Variants in ITGAM observed in about 807,000 individuals in gnomAD.
The protein encoded by ITGAM is integrin alpha-M.
ITGAM carries 79 observed loss-of-function variants against 137.5 expected under a neutral mutation model. The observed-to-expected ratio is 0.57, with a 90% CI of 0.48 to 0.69. ITGAM has a LOEUF of 0.69. Ranked by LOEUF, ITGAM falls within the 30% of genes least tolerant of loss-of-function variation. The probability of loss-of-function intolerance (pLI) is 0.00; values close to 1 mark genes in which losing one functional copy is unlikely to be tolerated. For synonymous variants in ITGAM, 583 were observed against 592.3 expected (o/e 0.98, Z 0.23); for missense variants, 1,343 against 1,483.5 (o/e 0.91, Z 1.56).
At chr16:31,329,701 C>T (rs1413368709) in intron 24 of ITGAM, 97 bp from the exon 25 acceptor site, 1 of 972,540 alleles carries the variant, frequency 1.0e-6, no homozygotes, top group Non-Finnish European at 1.6e-6. Context: ...GGGCAGGACG[C>T]CCGGGCCTAT....
At chr16:31,285,300 T>C (rs1207328356) in intron 12 of ITGAM, among the ~76,000 whole-genome samples, 1 of 152,088 alleles carries the variant, frequency 6.6e-6, no homozygotes, top group African/African-American at 2.4e-5. Context: ...ATTTCTGCCT[T>C]TTAGTTTTTA....
At position 31,265,894 on chromosome 16, in the gene ITGAM, C is replaced by T. The variant is rs548476788; in HGVS notation, c.309+13C>T. 1.7e-4 allele frequency: 273 copies of T among 1,612,708 alleles called. 4 individuals carry two copies. The South Asian group carries it at 2.6e-3, about 15-fold the overall frequency. ...CCCTCAGCTGCTGGTGAGTGGGGCT[C>T]GATCAGAGGAGCATCCTAATGGGGG... is the stretch of plus-strand genomic sequence containing the variant. On this transcript the variant is annotated intron_variant, in intron 4 of 29. Coordinates refer to ENST00000544665, the MANE Select transcript of ITGAM (RefSeq NM_000632.4).
intron 14 of ITGAM, among the ~76,000 whole-genome samples, chr16:31,313,619 A>G (rs1041371583): frequency 6.6e-6 from 1 of 152,196 alleles, no homozygotes; most frequent in African/African-American, 2.4e-5. Flanking sequence ...TTCTTTATAC[A>G]GTTTATCATT....
rs1299947900 is a variant in ITGAM at position 31,331,834 on chromosome 16, T to C, written c.*127T>C. ...CCGACAGGACGGGCTTGGGCTTCCA[T>C]TTGTGTGTGTGCAAGTGTGTATGTG... On this transcript the variant is annotated 3_prime_UTR_variant, in exon 30 of 30. Transcript: ENST00000544665. The C allele has an allele frequency of 3.2e-5, 23 of 712,884 alleles. No individual in the cohort carries two copies. The highest frequency in any genetic ancestry group is 3.1e-4 in the South Asian group (17 of 54,240). The allele number at this position is 712,884 out of a possible 1,614,324, so 44.2% of individuals were successfully genotyped here.
At position 31,297,553 on chromosome 16, in the gene ITGAM, G is replaced by A. The variant is rs776272340; in HGVS notation, c.1396G>A (p.Val466Met). The part of the protein sequence containing the change: ...YFGASLCSVD[V>M]DSNGSTDLVL... Reference sequence around the variant, plus strand: ...CGGGGCCTCCCTCTGCTCCGTGGACGTGGACAGCAACGGCAGCACCGACCT... The same window carrying A: ...CGGGGCCTCCCTCTGCTCCGTGGACATGGACAGCAACGGCAGCACCGACCT... The change falls in exon 13 of 30, where the codon GTG (valine) becomes ATG (methionine). Residue 466 changes from valine (V) to methionine (M), a missense_variant. Val to Met is a conservative substitution (Grantham distance 21). Coordinates refer to ENST00000544665, the MANE Select transcript of ITGAM (RefSeq NM_000632.4). The A allele has an allele frequency of 1.6e-5, 25 of 1,612,008 alleles. No homozygotes were observed. Among genetic ancestry groups the A allele is most frequent in the Non-Finnish European group, 2.1e-5 (25 of 1,179,856 alleles).
intron 12 of ITGAM, among the ~76,000 whole-genome samples, chr16:31,280,533 CTGTT>C (rs557482248): frequency 1.3e-3 from 201 of 152,272 alleles, no homozygotes; most frequent in African/African-American, 4.4e-3. Flanking sequence ...ATTTAGCTCT[CTGTT>C]TGTCTGTTAT....
intron 25 of ITGAM, 80 bp from the exon 26 acceptor site, chr16:31,330,001 G>A: frequency 5.2e-6 from 8 of 1,547,446 alleles, no homozygotes; most frequent in Non-Finnish European, 7.0e-6. Context: ...CCCCTCTCCT[G>A]GACCCAGGCC....
intron 12 of ITGAM, among the ~76,000 whole-genome samples, 153 bp downstream of exon 12, chr16:31,278,262 T>C (rs2079931737): frequency 6.6e-6 from 1 of 152,142 alleles, no homozygotes; most frequent in Admixed American, 6.6e-5. Flanking sequence ...GCTTAGCATT[T>C]GTGAATGCTG....
intron 5 of ITGAM, among the ~76,000 whole-genome samples, chr16:31,270,143 CTTTCCTTTCCTT>C (rs1567248337): frequency 2.7e-4 from 16 of 59,142 alleles, no homozygotes; most frequent in African/African-American, 1.1e-3. Context: ...CTTTGCTTTC[CTTTCCTTTCCTT>C]TCCTTTCCTT....
chr16:31,311,308 G>T (rs1307064168), intron 14 of ITGAM, among the ~76,000 whole-genome samples: 5 of 152,102 alleles, frequency 3.3e-5, no homozygotes, highest in East Asian at 1.9e-4. Flanking sequence ...CTAAAGAGCT[G>T]CTGCACAGCA....
At chr16:31,328,643 ATG>A (rs923412573) in intron 23 of ITGAM, among the ~76,000 whole-genome samples, 4 of 124,772 alleles carry the variant, frequency 3.2e-5, no homozygotes, top group Non-Finnish European at 6.6e-5. Context: ...GTGTGTGCAT[ATG>A]TGTGTGTCTG....
Position 31,302,428 on chromosome 16 carries a change from C to CTTTCTTTCTTTCTTTCTTTCT in ITGAM, c.1707+4476_1707+4477insTCTTTCTTTCTTTCTTTCTTT, listed in dbSNP as rs71390270. Among the ~76,000 whole-genome samples, 55 of 103,168 alleles carry CTTTCTTTCTTTCTTTCTTTCT rather than the reference C, an allele frequency of 5.3e-4. 4 individuals carry two copies. The highest frequency in any genetic ancestry group is 9.4e-4 in the African/African-American group (17 of 18,132). The allele number at this position is 103,168 out of a possible 152,430, so 67.7% of individuals were successfully genotyped here. On this transcript the variant is annotated intron_variant, in intron 14 of 29. Transcript: ENST00000544665. ...TTCTTTTTTCTTTCTTTCTTTCTTT[C>CTTTCTTTCTTTCTTTCTTTCT]TTCTTTCTTTCTTTCTTTCTTTCTT...
Position 31,324,535 on chromosome 16 carries a change from C to T in ITGAM, c.2139C>T (p.Thr713=). The T allele has an allele frequency of 6.2e-7, 1 of 1,609,336 alleles. No homozygotes were observed. The highest frequency in any genetic ancestry group is 8.5e-7 in the Non-Finnish European group (1 of 1,177,904). ...QVLGLTQTCE[T]LKLQLPNCIE... ...TGGGGCTGACCCAGACTTGTGAGAC[C>T]CTGAAACTACAGTTGCCGGTGAGCA... The change falls in exon 17 of 30, where the codon ACC becomes ACT. Residue 713 remains threonine (T), a synonymous_variant. Transcript: ENST00000544665. The surrounding 1 kb of genome is among the most constrained non-coding windows in gnomAD (Gnocchi z 4.5).
chr16:31,331,727 C>G lies in ITGAM; in HGVS notation c.*20C>G. The stretch of plus-strand genomic sequence containing the variant: ...CAGTAGCGGCTCCTTCCCGACAGAG[C>G]TGCCTCTCGGTGGCCAGCAGGACTC... On this transcript the variant is annotated 3_prime_UTR_variant, in exon 30 of 30. Transcript: ENST00000544665. The G allele has an allele frequency of 6.4e-7, 1 of 1,572,284 alleles. No homozygotes were observed. Among genetic ancestry groups the G allele is most frequent in the Non-Finnish European group, 8.6e-7 (1 of 1,157,296 alleles).
At chr16:31,273,594 ATAT>A (rs1596981632) in intron 8 of ITGAM, 76 bp downstream of exon 8, 2 of 1,440,432 alleles carry the variant, frequency 1.4e-6, no homozygotes, top group Non-Finnish European at 9.6e-7. Flanking sequence ...CAATTTGCAA[ATAT>A]TATTAAAATC....
At chr16:31,330,201 C>A in intron 26 of ITGAM, 37 bp downstream of exon 26, 1 of 1,602,994 alleles carries the variant, frequency 6.2e-7, no homozygotes, top group Non-Finnish European at 8.5e-7. Context: ...CACACAGAGA[C>A]CCAGAGCGCT....
At chr16:31,312,497 G>T (rs949995653) in intron 14 of ITGAM, among the ~76,000 whole-genome samples, 1 of 152,098 alleles carries the variant, frequency 6.6e-6, no homozygotes, top group Admixed American at 6.5e-5. Flanking sequence ...TGCAATCATG[G>T]CTCACTGCAG....
intron 14 of ITGAM, among the ~76,000 whole-genome samples, chr16:31,306,939 A>G (rs929856393): frequency 9.9e-5 from 15 of 152,084 alleles, no homozygotes; most frequent in African/African-American, 3.4e-4. Flanking sequence ...CATTTTCAAT[A>G]TAATTATTAA....
chr16:31,277,817 T>G, intron 11 of ITGAM, 150 bp from the exon 12 acceptor site: 1 of 814,728 alleles, frequency 1.2e-6, no homozygotes, highest in Non-Finnish European at 1.9e-6. Flanking sequence ...TGAATTGTAA[T>G]TATGTTCATA....
Sources: gnomAD v4.1 joint callset for allele counts (sites outside exome capture counted in the v4.1 genomes callset) on GRCh38, gnomAD v4.1.1 for gene constraint, Gnocchi (gnomAD v3.1) non-coding constraint, MANE v1.5 for transcripts, NCBI Gene and HGNC (gene_info 2026-07-23, HGNC 2026-07-21) for gene names.